Variants in PARD3 observed in about 807,000 individuals in gnomAD.
PARD3 encodes the protein par-3 family cell polarity regulator.
A neutral mutation model predicts 155.4 loss-of-function variants in PARD3; 75 were observed. The observed-to-expected ratio is 0.48, with a 90% CI of 0.40 to 0.58. PARD3 has a LOEUF of 0.58. Ranked by LOEUF, PARD3 falls within the 20% of genes least tolerant of loss-of-function variation. The pLI is 0.00. For missense variants in PARD3, 1,642 were observed against 1,721.7 expected, an observed-to-expected ratio of 0.95 and a Z score of 0.82; for synonymous variants, 576 against 610.5, an observed-to-expected ratio of 0.94 and a Z score of 0.83.
chr10:34,247,001 T>A (rs1304590041), intron 22 of PARD3, among the ~76,000 whole-genome samples: 1 of 151,958 alleles, frequency 6.6e-6, no homozygotes, highest in African/African-American at 2.4e-5. Flanking sequence ...GTGGGAGGAC[T>A]GCTGGAGCCC....
At chr10:34,197,546 T>G (rs1329293302) in intron 22 of PARD3, among the ~76,000 whole-genome samples, 1 of 152,210 alleles carries the variant, frequency 6.6e-6, no homozygotes, top group Non-Finnish European at 1.5e-5. Flanking sequence ...TTAATGACTT[T>G]GGGACATAAA....
intron 21 of PARD3, among the ~76,000 whole-genome samples, chr10:34,279,332 G>A (rs977608741): frequency 4.0e-5 from 6 of 151,434 alleles, no homozygotes; most frequent in East Asian, 1.9e-4. Flanking sequence ...AGTATTTATC[G>A]AAATAGTTAA....
chr10:34,417,045 T>A (rs545285683), intron 5 of PARD3, among the ~76,000 whole-genome samples: 34 of 152,278 alleles, frequency 2.2e-4, no homozygotes, highest in African/African-American at 7.9e-4. Context: ...CCCAGAGGCA[T>A]GAGGAATGGT....
At chr10:34,613,574 T>A (rs1363923862) in intron 2 of PARD3, among the ~76,000 whole-genome samples, 1 of 152,194 alleles carries the variant, frequency 6.6e-6, no homozygotes, top group African/African-American at 2.4e-5. Flanking sequence ...TTATTCAACC[T>A]CACAGCATAG....
At chr10:34,241,075 C>T (rs1953558983) in intron 22 of PARD3, among the ~76,000 whole-genome samples, 1 of 152,108 alleles carries the variant, frequency 6.6e-6, no homozygotes, top group African/African-American at 2.4e-5. Context: ...TAGAAAAACA[C>T]AGGGATGAAC....
At chr10:34,188,065 T>A (rs1950560583) in intron 22 of PARD3, among the ~76,000 whole-genome samples, 1 of 152,194 alleles carries the variant, frequency 6.6e-6, no homozygotes, top group Non-Finnish European at 1.5e-5. Flanking sequence ...TCAGCATAAA[T>A]CATGTGTTAG....
At chr10:34,700,845 G>A (rs1266289308) in intron 1 of PARD3, among the ~76,000 whole-genome samples, 2 of 151,998 alleles carry the variant, frequency 1.3e-5, no homozygotes, top group East Asian at 1.9e-4. Context: ...GGTGGCGTGC[G>A]CCTGTAGTCC....
chr10:34,598,082 G>A (rs547358124), intron 2 of PARD3, among the ~76,000 whole-genome samples: 23 of 152,232 alleles, frequency 1.5e-4, no homozygotes, highest in African/African-American at 1.9e-4. Context: ...TTACGCCTAA[G>A]TGTCTATCTG....
rs182283329 is a variant in PARD3, at chr10:34,253,667, T to C, written c.3419+15990A>G. On this transcript the variant is annotated intron_variant, in intron 22 of 24. Transcript: ENST00000374788. ...GCAATCCTTAATTGCTGAAATATCATAGAAAGTTTCAAAGAATCAGACGAC... is the reference window on the plus strand; with the variant it reads ...GCAATCCTTAATTGCTGAAATATCACAGAAAGTTTCAAAGAATCAGACGAC... Among the ~76,000 whole-genome samples, 714 of 152,174 alleles carry C rather than the reference T, an allele frequency of 4.7e-3. 4 individuals carry two copies. The highest frequency in any genetic ancestry group is 7.7e-3 in the Non-Finnish European group (524 of 67,982).
At chr10:34,116,001 A>G (rs1327768913) in intron 24 of PARD3, among the ~76,000 whole-genome samples, 1 of 152,152 alleles carries the variant, frequency 6.6e-6, no homozygotes, top group Non-Finnish European at 1.5e-5. Context: ...GTAAGCCACC[A>G]CGCCCAGCCT....
rs978577065 is a variant in PARD3 at position 34,618,228 on chromosome 10, C to T, written c.222+78090G>A. Among the ~76,000 whole-genome samples the T allele has an allele frequency of 2.6e-5, 4 of 152,140 alleles. No individual in the cohort carries two copies. In the East Asian group the frequency reaches 7.7e-4, roughly 29 times the overall value. Reference sequence around the variant, plus strand: ...TCAACGATTTTCCATTAACAATGACCTACACTCAATTAATGAATCCAAATA... The same window carrying T: ...TCAACGATTTTCCATTAACAATGACTTACACTCAATTAATGAATCCAAATA... On this transcript the variant is annotated intron_variant, in intron 2 of 24. Coordinates refer to ENST00000374788, the MANE Select transcript of PARD3 (RefSeq NM_001184785.2).
At position 34,331,172 on chromosome 10, in the gene PARD3, G is replaced by C. The variant is rs147136694; in HGVS notation, c.2778C>G (p.Ile926Met). The C allele has an allele frequency of 1.2e-4, 196 of 1,613,818 alleles. No homozygotes were observed. The highest frequency in any genetic ancestry group is 1.6e-4 in the Non-Finnish European group (194 of 1,179,966). The change falls in exon 19 of 25, where the codon ATC (isoleucine) becomes ATG (methionine). Residue 926 changes from isoleucine (I) to methionine (M), a missense_variant. Ile to Met is a conservative substitution (Grantham distance 10). Transcript: ENST00000374788. The part of the protein sequence containing the change: ...RGCNESFRAA[I>M]DKSYDKPAVD... ...CCGCGGGTTTATCATAAGATTTGTC[G>C]ATGGCAGCTCTGAAGCTCTCATTGC...
intron 22 of PARD3, among the ~76,000 whole-genome samples, chr10:34,229,629 G>A (rs376248261): frequency 3.3e-5 from 5 of 150,648 alleles, no homozygotes; most frequent in East Asian, 1.9e-4. Flanking sequence ...TTGTTCATAC[G>A]TCCCATCATA....
chr10:34,803,949 C>T (rs1462916957), intron 1 of PARD3, among the ~76,000 whole-genome samples: 1 of 152,096 alleles, frequency 6.6e-6, no homozygotes, highest in Non-Finnish European at 1.5e-5. Flanking sequence ...ACATGACAAC[C>T]GCTAAAATGC....
At chr10:34,399,977 G>A (rs901160908) in intron 6 of PARD3, among the ~76,000 whole-genome samples, 5 of 152,194 alleles carry the variant, frequency 3.3e-5, no homozygotes, top group African/African-American at 1.2e-4. Context: ...GTAAGTGACA[G>A]TCCAAGGGAG....
chr10:34,123,111 T>C (rs1391841442), intron 23 of PARD3, among the ~76,000 whole-genome samples: 1 of 152,076 alleles, frequency 6.6e-6, no homozygotes, highest in Non-Finnish European at 1.5e-5. Context: ...AACCCTGTGA[T>C]GAAATTGGTT....
chr10:34,217,570 C>G (rs553787564), intron 22 of PARD3, among the ~76,000 whole-genome samples: 9 of 152,178 alleles, frequency 5.9e-5, no homozygotes, highest in African/African-American at 2.2e-4. Context: ...CACCTTGGAG[C>G]AGACAGCAGA....
In PARD3 at chr10:34,681,730, T is replaced by TATATA. The variant is rs2093826746; in HGVS notation, c.222+14587_222+14588insTATAT. Among the ~76,000 whole-genome samples the TATATA allele has an allele frequency of 1.8e-3, 54 of 29,976 alleles. 1 individual carries two copies. The highest frequency in any genetic ancestry group is 3.6e-3 in the African/African-American group (34 of 9,530). 19.7% of individuals were successfully genotyped at this position (29,976 alleles called of 152,430 possible). ...TATATATGTATTTTACGTATGTATT[T>TATATA]TATATATATATATATATATATATAT... is the stretch of plus-strand genomic sequence containing the variant. On this transcript the variant is annotated intron_variant, in intron 2 of 24. Transcript: ENST00000374788.
intron 22 of PARD3, among the ~76,000 whole-genome samples, chr10:34,200,607 T>C (rs1184502978): frequency 6.6e-6 from 1 of 152,146 alleles, no homozygotes; most frequent in African/African-American, 2.4e-5. Flanking sequence ...TACTGAACCC[T>C]GATAAGGCAT....
Sources: gnomAD v4.1 joint callset for allele counts (sites outside exome capture counted in the v4.1 genomes callset) on GRCh38, gnomAD v4.1.1 for gene constraint, MANE v1.5 for transcripts, NCBI Gene and HGNC (gene_info 2026-07-23, HGNC 2026-07-21) for gene names.